Variants in TLN2 observed in about 807,000 individuals in gnomAD.
The protein encoded by TLN2 is talin 2.
In TLN2, 118 loss-of-function variants were observed where a neutral mutation model predicts 294.7. That is an observed-to-expected ratio of 0.40 (90% CI 0.34 to 0.47). The LOEUF is 0.47. Ranked by LOEUF, TLN2 falls within the 20% of genes least tolerant of loss-of-function variation. The pLI is 0.84. For missense variants in TLN2, 3,083 were observed against 3,282.2 expected, an observed-to-expected ratio of 0.94 and a Z score of 1.48; for synonymous variants, 1,431 against 1,304.5, an observed-to-expected ratio of 1.10 and a Z score of -2.09.
intron 9 of TLN2, among the ~76,000 whole-genome samples, chr15:62,665,135 C>A (rs1240470687): frequency 6.6e-6 from 1 of 152,014 alleles, no homozygotes; most frequent in Non-Finnish European, 1.5e-5. Context: ...TGCAGTGGCG[C>A]CATCTTAGCC....
At chr15:62,404,422 C>T (rs928985698) in intron 1 of TLN2, among the ~76,000 whole-genome samples, 1 of 152,270 alleles carries the variant, frequency 6.6e-6, no homozygotes. Context: ...CACTCATCCC[C>T]AGAGTCCACT....
chr15:62,673,015 C>G (rs1276760508), intron 9 of TLN2, among the ~76,000 whole-genome samples: 1 of 150,338 alleles, frequency 6.7e-6, no homozygotes, highest in East Asian at 1.9e-4. Context: ...TACTCATTTA[C>G]TTTATCCTAA....
intron 11 of TLN2, among the ~76,000 whole-genome samples, chr15:62,681,022 A>C (rs555107899): frequency 6.6e-6 from 1 of 152,156 alleles, no homozygotes; most frequent in Non-Finnish European, 1.5e-5. Flanking sequence ...GCAGTTGTCA[A>C]TTGTGCTGCT....
chr15:62,473,276 G>A (rs2037589395), intron 1 of TLN2, among the ~76,000 whole-genome samples: 1 of 151,944 alleles, frequency 6.6e-6, no homozygotes, highest in African/African-American at 2.4e-5. Context: ...TTATTGGTGT[G>A]TCTTAAAATG....
At chr15:62,485,841 GA>G (rs2038360575) in intron 1 of TLN2, among the ~76,000 whole-genome samples, 1 of 152,154 alleles carries the variant, frequency 6.6e-6, no homozygotes, top group South Asian at 2.1e-4. Context: ...TGGGAGTGGA[GA>G]GGGGCACCAT....
At chr15:62,522,121 T>G (rs557797111) in intron 1 of TLN2, among the ~76,000 whole-genome samples, 80 of 152,274 alleles carry the variant, frequency 5.3e-4, no homozygotes, top group Non-Finnish European at 9.9e-4. Flanking sequence ...GTTCAGTTGG[T>G]GGAGGGGCTT....
At position 62,702,758 on chromosome 15, in the gene TLN2, G is replaced by C; in HGVS notation, c.1906-8G>C. On this transcript the variant is annotated splice_region_variant and splice_polypyrimidine_tract_variant and intron_variant, in intron 18 of 58. Transcript: ENST00000636159. Reference sequence around the variant, plus strand: ...TCTTTCCAATTAAGGTGTGTTGTTTGTTCACAGCCTCGACAGACAGTTTTG... The same window carrying C: ...TCTTTCCAATTAAGGTGTGTTGTTTCTTCACAGCCTCGACAGACAGTTTTG... 1 of 1,614,064 alleles carries C rather than the reference G, an allele frequency of 6.2e-7. No individual in the cohort carries two copies. Among genetic ancestry groups the C allele is most frequent in the Non-Finnish European group, 8.5e-7 (1 of 1,179,930 alleles).
intron 1 of TLN2, among the ~76,000 whole-genome samples, chr15:62,455,386 G>T (rs1475633143): frequency 3.3e-5 from 5 of 152,112 alleles, no homozygotes; most frequent in Non-Finnish European, 7.4e-5. Flanking sequence ...TTCGGGATGG[G>T]AGAGACTGAA....
intron 54 of TLN2, among the ~76,000 whole-genome samples, chr15:62,823,228 C>T (rs1249314442): frequency 6.6e-6 from 1 of 152,194 alleles, no homozygotes; most frequent in Non-Finnish European, 1.5e-5. Flanking sequence ...TGGATATTAT[C>T]TATGAAACTG....
At chr15:62,819,642 T>G in intron 53 of TLN2, 21 bp downstream of exon 53, 1 of 1,601,374 alleles carries the variant, frequency 6.2e-7, no homozygotes, top group Non-Finnish European at 8.5e-7. Flanking sequence ...TTCTCACGTC[T>G]TGGTGGAGGG....
intron 22 of TLN2, 149 bp from the exon 23 acceptor site, chr15:62,716,182 A>G: frequency 3.8e-6 from 4 of 1,041,446 alleles, no homozygotes; most frequent in Non-Finnish European, 5.1e-6. Context: ...TTGTTGCATG[A>G]GGAAACATCT....
At chr15:62,836,936 A>G (rs897454226) in intron 57 of TLN2, among the ~76,000 whole-genome samples, 1 of 151,842 alleles carries the variant, frequency 6.6e-6, no homozygotes, top group African/African-American at 2.4e-5. Flanking sequence ...CTCTATGCAA[A>G]GCTAGCTGGC....
intron 1 of TLN2, among the ~76,000 whole-genome samples, chr15:62,562,648 A>G (rs1453452273): frequency 6.6e-6 from 1 of 151,920 alleles, no homozygotes; most frequent in African/African-American, 2.4e-5. Flanking sequence ...CCATCACCGG[A>G]GCAGTATACA....
At position 62,822,300 on chromosome 15, in the gene TLN2, A is replaced by G. The variant is rs143865512; in HGVS notation, c.7002+1690A>G. Among the ~76,000 whole-genome samples the G allele has an allele frequency of 8.5e-5, 13 of 152,366 alleles. No individual in the cohort carries two copies. In the South Asian group the frequency reaches 1.0e-3, roughly 12 times the overall value. Reference sequence around the variant, plus strand: ...CAGTGAGACTTGGTAGATAGTAACTATATCACCATTATTATCACCATCATC... The same window carrying G: ...CAGTGAGACTTGGTAGATAGTAACTGTATCACCATTATTATCACCATCATC... On this transcript the variant is annotated intron_variant, in intron 54 of 58. Transcript: ENST00000636159.
At chr15:62,597,984 T>G (rs1211725276) in intron 2 of TLN2, among the ~76,000 whole-genome samples, 1 of 152,176 alleles carries the variant, frequency 6.6e-6, no homozygotes, top group African/African-American at 2.4e-5. Flanking sequence ...AGGTTTCAGA[T>G]TTTCAGATTA....
rs964108059 is a variant in TLN2 at position 62,844,177 on chromosome 15, G to A, written c.*3567G>A. 1.3e-5 allele frequency: 2 copies of A among 152,072 alleles called. No homozygotes were observed. Among genetic ancestry groups the A allele is most frequent in the South Asian group, 4.1e-4 (2 of 4,828 alleles). The allele number at this position is 152,072 out of a possible 1,614,324, so 9.4% of individuals were successfully genotyped here. ...CTATCTCTCCACAGTGCTGGCCTCTGCTGGGGAAGGCATCTTTCCCAAAGG... is the reference window on the plus strand; with the variant it reads ...CTATCTCTCCACAGTGCTGGCCTCTACTGGGGAAGGCATCTTTCCCAAAGG... On this transcript the variant is annotated 3_prime_UTR_variant, in exon 59 of 59. Coordinates refer to ENST00000636159, the MANE Select transcript of TLN2 (RefSeq NM_015059.3).
At chr15:62,610,723 C>A (rs1462380194) in intron 2 of TLN2, among the ~76,000 whole-genome samples, 1 of 152,166 alleles carries the variant, frequency 6.6e-6, no homozygotes, top group Non-Finnish European at 1.5e-5. Flanking sequence ...AAATGTTTTG[C>A]TGTTCTGCAC....
At chr15:62,754,620 C>T (rs537366719) in intron 36 of TLN2, 1 of 152,620 alleles carries the variant, frequency 6.6e-6, no homozygotes, top group African/African-American at 2.4e-5. Flanking sequence ...CACCATCAAC[C>T]TGGGGCCCAC....
At chr15:62,809,671 A>G (rs1451894246) in intron 51 of TLN2, among the ~76,000 whole-genome samples, 5 of 152,190 alleles carry the variant, frequency 3.3e-5, no homozygotes, top group East Asian at 1.9e-4. Flanking sequence ...AGGAGGAACA[A>G]AGGTCCAGAT....
Sources: gnomAD v4.1 joint callset for allele counts (sites outside exome capture counted in the v4.1 genomes callset) on GRCh38, gnomAD v4.1.1 for gene constraint, MANE v1.5 for transcripts, NCBI Gene and HGNC (gene_info 2026-07-23, HGNC 2026-07-21) for gene names.